RASGRF2: variants seen among roughly 807,000 people sequenced by gnomAD.
RASGRF2 encodes the protein ras-specific guanine nucleotide-releasing factor 2.
Under a neutral mutation model 151.0 loss-of-function variants are expected in RASGRF2, and 76 were observed. That is an observed-to-expected ratio of 0.50 (90% CI 0.42 to 0.61). The LOEUF is 0.61. RASGRF2 is among the 20% of genes least tolerant of loss of function. RASGRF2 has a pLI of 0.00. For synonymous variants in RASGRF2, 504 were observed against 566.5 expected (o/e 0.89, Z 1.57); for missense variants, 1,148 against 1,564.6 (o/e 0.73, Z 4.49).
intron 23 of RASGRF2, among the ~76,000 whole-genome samples, chr5:81,214,821 A>G (rs1252052784): frequency 6.6e-6 from 1 of 152,216 alleles, no homozygotes; most frequent in African/African-American, 2.4e-5. Flanking sequence ...TCCTATGTTC[A>G]TGGAAGAAAC....
intron 15 of RASGRF2, among the ~76,000 whole-genome samples, chr5:81,122,577 A>C (rs1753338645): frequency 6.6e-6 from 1 of 152,194 alleles, no homozygotes; most frequent in Admixed American, 6.5e-5. Flanking sequence ...AGATTTTTGA[A>C]AGTTTGTTGA....
At chr5:81,046,459 G>A (rs771854386) in intron 2 of RASGRF2, among the ~76,000 whole-genome samples, 4 of 151,918 alleles carry the variant, frequency 2.6e-5, no homozygotes, top group Non-Finnish European at 4.4e-5. Context: ...TCATTTTAAT[G>A]TTTTGCTTAC....
chr5:81,113,117 C>G (rs184708399), intron 14 of RASGRF2, among the ~76,000 whole-genome samples: 1 of 151,930 alleles, frequency 6.6e-6, no homozygotes, highest in Non-Finnish European at 1.5e-5. Flanking sequence ...CCATTGCTTT[C>G]GGCTTTTCTT....
intron 12 of RASGRF2, among the ~76,000 whole-genome samples, chr5:81,102,945 C>CA (rs1426591998): frequency 6.6e-6 from 1 of 152,046 alleles, no homozygotes; most frequent in Non-Finnish European, 1.5e-5. Flanking sequence ...GAGTGAGACT[C>CA]AGCAGGCATG....
chr5:80,984,185 C>T (rs1479019867), intron 1 of RASGRF2, among the ~76,000 whole-genome samples: 1 of 152,128 alleles, frequency 6.6e-6, no homozygotes, highest in African/African-American at 2.4e-5. Context: ...CTCAGTCTCC[C>T]GAGTAGCTGG....
intron 12 of RASGRF2, among the ~76,000 whole-genome samples, chr5:81,108,251 C>A (rs1752897543): frequency 6.6e-6 from 1 of 152,216 alleles, no homozygotes; most frequent in South Asian, 2.1e-4. Flanking sequence ...AAAATAAATT[C>A]TTCTCTAACC....
chr5:81,005,860 A>G (rs1749251783), intron 1 of RASGRF2, among the ~76,000 whole-genome samples: 1 of 152,196 alleles, frequency 6.6e-6, no homozygotes, highest in Admixed American at 6.5e-5. Flanking sequence ...TAGAGAGGGC[A>G]TTAAGTCAGA....
intron 1 of RASGRF2, among the ~76,000 whole-genome samples, chr5:81,036,048 A>G (rs919862195): frequency 1.3e-5 from 2 of 152,220 alleles, no homozygotes; most frequent in Non-Finnish European, 2.9e-5. Flanking sequence ...TTTTTAAAAA[A>G]GGCACAAATA....
At chr5:81,040,476 C>T (rs1028860063) in intron 1 of RASGRF2, among the ~76,000 whole-genome samples, 2 of 152,166 alleles carry the variant, frequency 1.3e-5, no homozygotes, top group South Asian at 2.1e-4. Context: ...AGAGCATTAA[C>T]GTTTCTGATG....
intron 23 of RASGRF2, among the ~76,000 whole-genome samples, chr5:81,214,917 A>G (rs1390171747): frequency 3.3e-5 from 5 of 152,260 alleles, no homozygotes; most frequent in Non-Finnish European, 7.3e-5. Context: ...ATCACAAAAG[A>G]AAAGATCTGT....
At chr5:81,161,173 C>A (rs7720671) in intron 17 of RASGRF2, among the ~76,000 whole-genome samples, 5,778 of 152,242 alleles carry the variant, frequency 0.038, 363 homozygotes, top group African/African-American at 0.13. Flanking sequence ...TTCACACCAC[C>A]GGGTCTGAGC....
intron 9 of RASGRF2, among the ~76,000 whole-genome samples, chr5:81,090,992 T>C (rs1752373793): frequency 6.6e-6 from 1 of 152,166 alleles, no homozygotes; most frequent in South Asian, 2.1e-4. Context: ...GCCTGATGGC[T>C]CATGGCCCCC....
At chr5:81,117,658 C>G (rs1263831247) in intron 15 of RASGRF2, among the ~76,000 whole-genome samples, 1 of 152,078 alleles carries the variant, frequency 6.6e-6, no homozygotes, top group East Asian at 1.9e-4. Flanking sequence ...CCCAATAGCC[C>G]CCAAAGTCTT....
At position 81,213,341 on chromosome 5, in the gene RASGRF2, G is replaced by C. The variant is rs1299080391; in HGVS notation, c.3354+778G>C. 3.0e-5 allele frequency among the ~76,000 whole-genome samples: 4 copies of C among 134,772 alleles called. No homozygotes were observed. The East Asian group carries it at 7.8e-4, about 26-fold the overall frequency. The allele number at this position is 134,772 out of a possible 152,430, so 88.4% of individuals were successfully genotyped here. On this transcript the variant is annotated intron_variant, in intron 23 of 26. Transcript: ENST00000265080. ...GGAGCCTGGCTGACCTCGTCTCAGG[G>C]GCGAGGGGGAAAGGGCCTCAAAGGG...
intron 17 of RASGRF2, among the ~76,000 whole-genome samples, chr5:81,146,487 A>G (rs1196555406): frequency 7.0e-6 from 1 of 143,408 alleles, no homozygotes; most frequent in Non-Finnish European, 1.6e-5. Flanking sequence ...AGTATAAGAC[A>G]AAGCTGGAAA....
chr5:81,072,937 A>G (rs1259346976), intron 4 of RASGRF2, among the ~76,000 whole-genome samples: 1 of 152,222 alleles, frequency 6.6e-6, no homozygotes, highest in Non-Finnish European at 1.5e-5. Context: ...TTTAATATAT[A>G]CTTGACTGCT....
At position 81,019,339 on chromosome 5, in the gene RASGRF2, T is replaced by C. The variant is rs1370725162; in HGVS notation, c.289-23538T>C. On this transcript the variant is annotated intron_variant, in intron 1 of 26. Transcript: ENST00000265080. ...ACTGCCCTCCAGGCTGCTGTGTTACTGTTACTATGATGGAACAGTAGTCCC... is the reference window on the plus strand; with the variant it reads ...ACTGCCCTCCAGGCTGCTGTGTTACCGTTACTATGATGGAACAGTAGTCCC... 3 of 152,274 alleles carry C rather than the reference T, an allele frequency of 2.0e-5. No individual in the cohort carries two copies. The East Asian group carries it at 5.8e-4, about 29-fold the overall frequency. 9.4% of individuals were successfully genotyped at this position (152,274 alleles called of 1,614,324 possible).
chr5:80,981,248 A>G (rs1387876295), intron 1 of RASGRF2, among the ~76,000 whole-genome samples: 1 of 151,922 alleles, frequency 6.6e-6, no homozygotes, highest in Admixed American at 6.6e-5. Context: ...TTTCCAGGAC[A>G]CTCTTGATTG....
chr5:81,061,052 T>G (rs1199447756), intron 2 of RASGRF2, among the ~76,000 whole-genome samples: 2 of 152,128 alleles, frequency 1.3e-5, no homozygotes, highest in Non-Finnish European at 2.9e-5. Flanking sequence ...TTTCTTGTTT[T>G]TTTTTCTGTT....
Sources: gnomAD v4.1 joint callset for allele counts (sites outside exome capture counted in the v4.1 genomes callset) on GRCh38, gnomAD v4.1.1 for gene constraint, MANE v1.5 for transcripts, NCBI Gene and HGNC (gene_info 2026-07-23, HGNC 2026-07-21) for gene names.